FRK: variants seen among roughly 807,000 people sequenced by gnomAD.
FRK encodes fyn related Src family tyrosine kinase.
A neutral mutation model predicts 56.4 loss-of-function variants in FRK; 51 were observed. The observed-to-expected ratio is 0.90, with a 90% CI of 0.72 to 1.14. FRK has a LOEUF of 1.14. Ranked by LOEUF, FRK falls within the 50% of genes most tolerant of loss-of-function variation. The pLI is 0.00. For missense variants in FRK, 570 were observed against 601.4 expected, an observed-to-expected ratio of 0.95 and a Z score of 0.55; for synonymous variants, 245 against 217.9, an observed-to-expected ratio of 1.12 and a Z score of -1.10.
intron 1 of FRK, among the ~76,000 whole-genome samples, chr6:116,017,881 AC>A (rs1467436401): frequency 6.6e-6 from 1 of 152,032 alleles, no homozygotes; most frequent in Non-Finnish European, 1.5e-5. Flanking sequence ...TCTGCCTCAC[AC>A]TGCCTCACAC....
the FRK span, among the ~76,000 whole-genome samples, chr6:116,099,214 G>A: frequency 6.6e-6 from 1 of 152,234 alleles, no homozygotes; most frequent in East Asian, 1.9e-4. Context: ...AAGAGGTTTT[G>A]TAAGGAGAAG....
rs1771959541 is a variant in FRK, at chr6:115,931,595, TTTTA to T, written c.*10815_*10818del. On this transcript the variant is annotated 3_prime_UTR_variant, in exon 8 of 8. Coordinates refer to ENST00000606080, the MANE Select transcript of FRK (RefSeq NM_002031.3). Reference sequence around the variant, plus strand: ...AAAGTATACAAATCTGGCTAATTGATTTTATTTCTTATTTTTTGAATCAATAATT... The same window carrying T: ...AAAGTATACAAATCTGGCTAATTGATTTTCTTATTTTTTGAATCAATAATT... The T allele has an allele frequency of 6.6e-6, 1 of 152,170 alleles. No individual in the cohort carries two copies. Among genetic ancestry groups the T allele is most frequent in the African/African-American group, 2.4e-5 (1 of 41,450 alleles). The allele number at this position is 152,170 out of a possible 1,614,324, so 9.4% of individuals were successfully genotyped here. A position where few individuals can be genotyped will look rare whatever the true frequency, so the allele number is the denominator to read the frequency against.
rs535952692 is a variant in FRK, at chr6:115,979,385, CACA to C, written c.467-10649_467-10647del. The stretch of plus-strand genomic sequence containing the variant: ...TAAAATAGAAAAAAGCTTATAAAGA[CACA>C]ACAAGAGAATATTTTTGTAGAGCTG... On this transcript the variant is annotated intron_variant, in intron 2 of 7. Coordinates refer to ENST00000606080, the MANE Select transcript of FRK (RefSeq NM_002031.3). Among the ~76,000 whole-genome samples, 143 of 152,062 alleles carry C rather than the reference CACA, an allele frequency of 9.4e-4. 1 individual carries two copies. The highest frequency in any genetic ancestry group is 2.6e-3 in the African/African-American group (106 of 41,510).
rs1777579330 is a variant in FRK at position 116,060,280 on chromosome 6, TAC to T, written c.30_31del (p.Tyr11ProfsTer19). On this transcript the variant is annotated frameshift_variant, in exon 1 of 8. Transcript: ENST00000606080. LOFTEE classifies it high-confidence loss of function. The stretch of plus-strand genomic sequence containing the variant: ...CAAACAGGGGAGATAGGGTTCTAGG[TAC>T]TCCCAGAGCCTCTGACAGATGTTGC... The T allele has an allele frequency of 6.2e-7, 1 of 1,613,966 alleles. No individual in the cohort carries two copies. The highest frequency in any genetic ancestry group is 8.5e-7 in the Non-Finnish European group (1 of 1,180,010).
At chr6:115,975,359 A>C (rs1773953996) in intron 2 of FRK, among the ~76,000 whole-genome samples, 1 of 152,202 alleles carries the variant, frequency 6.6e-6, no homozygotes, top group Non-Finnish European at 1.5e-5. Flanking sequence ...AAGCTACATC[A>C]GGAAAATTCA....
intron 1 of FRK, among the ~76,000 whole-genome samples, chr6:116,029,411 G>A (rs1299347068): frequency 6.6e-6 from 1 of 152,108 alleles, no homozygotes; most frequent in African/African-American, 2.4e-5. Flanking sequence ...TAAGTGCTAT[G>A]AGAGATACTA....
intron 2 of FRK, among the ~76,000 whole-genome samples, chr6:115,972,171 A>G (rs1773827092): frequency 6.6e-6 from 1 of 152,200 alleles, no homozygotes; most frequent in Non-Finnish European, 1.5e-5. Context: ...ATCCTCCAGC[A>G]GAAGCTTTCC....
chr6:115,985,095 T>C (rs1302397555), intron 2 of FRK, among the ~76,000 whole-genome samples: 1 of 152,124 alleles, frequency 6.6e-6, no homozygotes, highest in Non-Finnish European at 1.5e-5. Flanking sequence ...GCTACTTACA[T>C]GCAAATCAAT....
At chr6:115,959,736 T>A (rs1685009520) in intron 4 of FRK, among the ~76,000 whole-genome samples, 1 of 152,186 alleles carries the variant, frequency 6.6e-6, no homozygotes. Context: ...TTTGTCCTCA[T>A]AAAACCCTAG....
intron 2 of FRK, among the ~76,000 whole-genome samples, chr6:115,988,809 AT>A (rs1774485900): frequency 6.6e-6 from 1 of 151,932 alleles, no homozygotes; most frequent in Non-Finnish European, 1.5e-5. Context: ...TACATATCTT[AT>A]TTGATTTAAG....
chr6:116,073,582 A>G, the FRK span, among the ~76,000 whole-genome samples: 1 of 152,196 alleles, frequency 6.6e-6, no homozygotes, highest in South Asian at 2.1e-4. Context: ...AAATAACAAA[A>G]GCACTAAACA....
At chr6:115,978,872 T>TGA (rs1332877335) in intron 2 of FRK, among the ~76,000 whole-genome samples, 2 of 152,084 alleles carry the variant, frequency 1.3e-5, no homozygotes, top group African/African-American at 2.4e-5. Context: ...GGCAACACAG[T>TGA]GAGACCTTAT....
the FRK span, among the ~76,000 whole-genome samples, chr6:116,065,939 G>T: frequency 6.6e-6 from 1 of 152,188 alleles, no homozygotes; most frequent in African/African-American, 2.4e-5. Flanking sequence ...TGTCTTTGAA[G>T]ACAAGTTTAT....
At chr6:116,024,121 A>G (rs991479569) in intron 1 of FRK, among the ~76,000 whole-genome samples, 3 of 151,690 alleles carry the variant, frequency 2.0e-5, no homozygotes, top group Non-Finnish European at 2.9e-5. Context: ...CCATGTGAAT[A>G]TAACTTTCCT....
intron 2 of FRK, among the ~76,000 whole-genome samples, chr6:115,977,150 G>A (rs1412423248): frequency 6.6e-6 from 1 of 152,104 alleles, no homozygotes; most frequent in Non-Finnish European, 1.5e-5. Context: ...ACCAATAAGT[G>A]AATAACATTA....
chr6:116,027,538 A>T (rs1776137870), intron 1 of FRK, among the ~76,000 whole-genome samples: 1 of 152,158 alleles, frequency 6.6e-6, no homozygotes, highest in Admixed American at 6.6e-5. Context: ...AATTTAGAAA[A>T]ATTGGAGTTT....
chr6:116,069,296 G>A, the FRK span, among the ~76,000 whole-genome samples: 1 of 151,972 alleles, frequency 6.6e-6, no homozygotes, highest in African/African-American at 2.4e-5. Context: ...TTTGTGGCTG[G>A]GCTGACTGAA....
At chr6:116,091,072 T>C in the FRK span, among the ~76,000 whole-genome samples, 142 of 152,352 alleles carry the variant, frequency 9.3e-4, no homozygotes, top group African/African-American at 3.3e-3. Context: ...ACACAATCTT[T>C]GTAAGAAGTT....
At chr6:115,962,173 T>C (rs1226132216) in intron 4 of FRK, among the ~76,000 whole-genome samples, 22 of 134,832 alleles carry the variant, frequency 1.6e-4, no homozygotes, top group Admixed American at 7.9e-4. Context: ...GAGACACACA[T>C]AGGCTCAAAA....
Sources: allele counts gnomAD v4.1 joint callset (sites outside exome capture counted in the v4.1 genomes callset), GRCh38; gene constraint gnomAD v4.1.1; transcripts MANE v1.5; gene names NCBI Gene and HGNC (gene_info 2026-07-23, HGNC 2026-07-21).